Variants in IDH2 observed in about 807,000 individuals in gnomAD.
The protein encoded by IDH2 is isocitrate dehydrogenase (NADP(+)) 2.
IDH2 carries 18 observed loss-of-function variants against 50.5 expected under a neutral mutation model. The ratio of observed to expected loss-of-function variants is 0.36; its 90% CI spans 0.25 to 0.53. IDH2 has a LOEUF of 0.53. Ranked by LOEUF, IDH2 falls within the 20% of genes least tolerant of loss-of-function variation. The probability of loss-of-function intolerance (pLI) is 0.92; values close to 1 mark genes in which losing one functional copy is unlikely to be tolerated. For synonymous variants in IDH2, 280 were observed against 239.8 expected (o/e 1.17, Z -1.55); for missense variants, 518 against 610.7 (o/e 0.85, Z 1.60).
At chr15:90,088,895 G>A in intron 3 of IDH2, 148 bp from the exon 4 acceptor site, 1 of 705,672 alleles carries the variant, frequency 1.4e-6, no homozygotes, top group Non-Finnish European at 2.4e-6. Flanking sequence ...TGTGGGCTCT[G>A]GAGTCTGCCA....
At chr15:90,089,580 A>G (rs1900977647) in intron 3 of IDH2, among the ~76,000 whole-genome samples, 1 of 152,228 alleles carries the variant, frequency 6.6e-6, no homozygotes, top group Admixed American at 6.5e-5. Flanking sequence ...TGAAGAGCTC[A>G]ACACTCAAAT....
At position 90,091,557 on chromosome 15, in the gene IDH2, T is replaced by C. The variant is rs1901036665; in HGVS notation, c.203A>G (p.Glu68Gly). ...CACTTCAGGAGGGGGCACTACCTTC[T>C]CCTTGATGAACTGCCAGATAATACG... Reference protein sequence around the residue: ...MTRIIWQFIKEKLILPHVDIQ... With the variant: ...MTRIIWQFIKGKLILPHVDIQ... Residue 68 changes from glutamate to glycine, a missense_variant, in exon 2 of 11, where the codon GAG becomes GGG. Physicochemically the swap from Glu to Gly is moderately conservative, Grantham distance 98 (BLOSUM62 -2). Coordinates refer to ENST00000330062, the MANE Select transcript of IDH2 (RefSeq NM_002168.4). 5.6e-6 allele frequency: 9 copies of C among 1,613,510 alleles called. No individual in the cohort carries two copies. Among genetic ancestry groups the C allele is most frequent in the Non-Finnish European group, 7.6e-6 (9 of 1,179,522 alleles).
chr15:90,087,536 T>G lies in IDH2; in HGVS notation c.718A>C (p.Ile240Leu), dbSNP rs749395621. Residue 240 changes from isoleucine (I) to leucine (L), a missense_variant, in exon 6 of 11, where the codon ATC becomes CTC. Physicochemically the swap from Ile to Leu is conservative, Grantham distance 5. This residue lies in a region of IDH2 where 207 missense variants were observed against 208.6 expected (regional missense o/e 0.99). Transcript: ENST00000330062. ...GFAHSCFQYA[I>L]QKKWPLYMST... ...ATGTACAGCGGCCATTTCTTCTGGATGGCATACTGGAAGCAGCTGTGCGCA... is the reference window on the plus strand; with the variant it reads ...ATGTACAGCGGCCATTTCTTCTGGAGGGCATACTGGAAGCAGCTGTGCGCA... 7 of 1,613,878 alleles carry G rather than the reference T, an allele frequency of 4.3e-6. No homozygotes were observed. In the East Asian group the frequency reaches 1.6e-4, roughly 36 times the overall value.
intron 7 of IDH2, 129 bp downstream of exon 7, chr15:90,086,983 G>T: frequency 1.0e-6 from 1 of 983,906 alleles, no homozygotes; most frequent in Non-Finnish European, 1.6e-6. Context: ...CCTGCCCCCT[G>T]CTGTCCACAG....
intron 3 of IDH2, among the ~76,000 whole-genome samples, chr15:90,089,875 T>C (rs955454411): frequency 2.6e-5 from 4 of 152,092 alleles, no homozygotes; most frequent in African/African-American, 9.7e-5. Context: ...TGCATGACCA[T>C]GGGGACAGAG....
chr15:90,096,167 A>C (rs1194634934), intron 1 of IDH2, among the ~76,000 whole-genome samples: 6 of 152,122 alleles, frequency 3.9e-5, no homozygotes, highest in Admixed American at 1.3e-4. Flanking sequence ...TGGTGTGGTG[A>C]CACACACCTG....
In IDH2 at chr15:90,084,311, G is replaced by A. The variant is rs578203629; in HGVS notation, c.1314C>T (p.Leu438=). 3.1e-6 allele frequency: 5 copies of A among 1,614,040 alleles called. No homozygotes were observed. Among genetic ancestry groups the A allele is most frequent in the Middle Eastern group, 1.7e-4 (1 of 6,040 alleles). ...NEHFLNTTDF[L]DTIKSNLDRA... ...TGTCCAGGTTGCTCTTGATGGTGTC[G>A]AGGAAGTCCGTGGTGTTCAGGAAGT... The change falls in exon 11 of 11, where the codon CTC becomes CTT. Residue 438 remains leucine (L), a synonymous_variant. Coordinates refer to ENST00000330062, the MANE Select transcript of IDH2 (RefSeq NM_002168.4). This position sits in a 1 kb window ranked among gnomAD's most constrained non-coding sequence, Gnocchi z 5.0.
Position 90,087,276 on chromosome 15 carries a change from A to G in IDH2, c.816-13T>C. ...GGTCTTATAGTGCCTGGGAGTAAAA[A>G]GGTCTGTTATGGGGAGAGGGCAGAA... On this transcript the variant is annotated splice_polypyrimidine_tract_variant and intron_variant, in intron 6 of 10. Transcript: ENST00000330062. The G allele has an allele frequency of 6.2e-7, 1 of 1,614,150 alleles. No homozygotes were observed. The highest frequency in any genetic ancestry group is 8.5e-7 in the Non-Finnish European group (1 of 1,180,020).
chr15:90,091,542 G>T lies in IDH2; in HGVS notation c.207+11C>A. The T allele has an allele frequency of 6.2e-7, 1 of 1,609,582 alleles. No homozygotes were observed. Among genetic ancestry groups the T allele is most frequent in the African/African-American group, 1.3e-5 (1 of 74,996 alleles). On this transcript the variant is annotated intron_variant, in intron 2 of 10. Coordinates refer to ENST00000330062, the MANE Select transcript of IDH2 (RefSeq NM_002168.4). Reference sequence around the variant, plus strand: ...ACCTGGAGAGCCACCCACTTCAGGAGGGGGCACTACCTTCTCCTTGATGAA... The same window carrying T: ...ACCTGGAGAGCCACCCACTTCAGGATGGGGCACTACCTTCTCCTTGATGAA...
intron 5 of IDH2, 147 bp downstream of exon 5, chr15:90,088,212 G>A (rs987154390): frequency 5.7e-6 from 6 of 1,058,854 alleles, no homozygotes; most frequent in Non-Finnish European, 8.7e-6. Flanking sequence ...GATTACAAGT[G>A]TCAGCCACCA....
At chr15:90,086,487 G>A (rs1900861934) in intron 7 of IDH2, among the ~76,000 whole-genome samples, 1 of 152,070 alleles carries the variant, frequency 6.6e-6, no homozygotes, top group Admixed American at 6.6e-5. Flanking sequence ...TCCACCTCCT[G>A]GGTTCAAGAG....
rs2151549634 is a variant in IDH2, at chr15:90,088,644, G to T, written c.477C>A (p.Arg159=). Residue 159 remains arginine, a synonymous_variant, in exon 4 of 11, where the codon CGC becomes CGA. Transcript: ENST00000330062. The part of the protein sequence containing the change: ...REPIICKNIP[R]LVPGWTKPIT... ...TGGGCTTGGTCCAGCCAGGGACTAG[G>T]CGTGGGATGTTTTTGCAGATGATGG... 4 of 1,614,222 alleles carry T rather than the reference G, an allele frequency of 2.5e-6. No homozygotes were observed. In the South Asian group the frequency reaches 4.4e-5, roughly 18 times the overall value.
chr15:90,089,848 G>A (rs1391400490), intron 3 of IDH2, among the ~76,000 whole-genome samples: 1 of 152,190 alleles, frequency 6.6e-6, no homozygotes, highest in Non-Finnish European at 1.5e-5. Flanking sequence ...CCTGGTGGGG[G>A]CACCTCTCAG....
chr15:90,086,380 A>G (rs1232528667), intron 7 of IDH2, among the ~76,000 whole-genome samples: 1 of 152,024 alleles, frequency 6.6e-6, no homozygotes, highest in East Asian at 1.9e-4. Flanking sequence ...GGTCTCACCT[A>G]TACTTTATTT....
chr15:90,101,454 C>T (rs1331871325), intron 1 of IDH2, among the ~76,000 whole-genome samples: 1 of 152,140 alleles, frequency 6.6e-6, no homozygotes, highest in Non-Finnish European at 1.5e-5. Context: ...AACGGAGGCT[C>T]GGGCTAAGTC....
In IDH2 at chr15:90,088,446, G is replaced by C. The variant is rs769450167; in HGVS notation, c.591C>G (p.Thr197=). 1.2e-6 allele frequency: 2 copies of C among 1,614,194 alleles called. No homozygotes were observed. Among genetic ancestry groups the C allele is most frequent in the Non-Finnish European group, 8.5e-7 (1 of 1,180,030 alleles). ...CCTTGACACCACTGCCATCTTTTGG[G>C]GTGAAGACCATTTTGAAAGTGCCGG... ...DRAGTFKMVF[T]PKDGSGVKEW... is the part of the protein sequence containing the mutation. The change falls in exon 5 of 11, where the codon ACC becomes ACG. Residue 197 remains threonine (T), a synonymous_variant. Coordinates refer to ENST00000330062, the MANE Select transcript of IDH2 (RefSeq NM_002168.4).
At chr15:90,089,813 G>A (rs1325369770) in intron 3 of IDH2, among the ~76,000 whole-genome samples, 1 of 152,226 alleles carries the variant, frequency 6.6e-6, no homozygotes, top group Non-Finnish European at 1.5e-5. Flanking sequence ...GGCCCCAACA[G>A]CCAAGGACCA....
At chr15:90,087,088 G>A (rs1275301835) in intron 7 of IDH2, 24 bp downstream of exon 7, 1 of 1,613,366 alleles carries the variant, frequency 6.2e-7, no homozygotes, top group Non-Finnish European at 8.5e-7. Flanking sequence ...CACCCCCACA[G>A]GGAGCAGCGT....
At chr15:90,090,387 T>A in intron 3 of IDH2, 92 bp downstream of exon 3, 2 of 1,390,606 alleles carry the variant, frequency 1.4e-6, no homozygotes. Flanking sequence ...CCGAGATGAG[T>A]GACATGGCCA....
Sources: gnomAD v4.1 joint callset for allele counts (sites outside exome capture counted in the v4.1 genomes callset) on GRCh38, gnomAD v4.1.1 for gene constraint, gnomAD v4.1.1 regional missense constraint, Gnocchi (gnomAD v3.1) non-coding constraint, MANE v1.5 for transcripts, NCBI Gene and HGNC (gene_info 2026-07-23, HGNC 2026-07-21) for gene names.